Variants in EIF2AK2 observed in about 807,000 individuals in gnomAD.
EIF2AK2 encodes interferon-induced, double-stranded RNA-activated protein kinase.
In EIF2AK2, 40 loss-of-function variants were observed where a neutral mutation model predicts 70.5. That is an observed-to-expected ratio of 0.57 (90% confidence interval 0.44 to 0.74). The LOEUF is 0.74. Among genes scored for constraint, EIF2AK2 ranks in the 30% least tolerant of loss-of-function variants. The pLI is 0.00. For synonymous variants in EIF2AK2, 198 were observed against 220.9 expected (o/e 0.90, Z 0.92); for missense variants, 555 against 644.3 (o/e 0.86, Z 1.50).
chr2:37,126,062 G>T (rs548796723), intron 11 of EIF2AK2, among the ~76,000 whole-genome samples: 1 of 152,250 alleles, frequency 6.6e-6, no homozygotes, highest in East Asian at 1.9e-4. Flanking sequence ...CAGTTCTGAA[G>T]ATAGCACCAA....
At chr2:37,111,797 G>A (rs759874279) in intron 14 of EIF2AK2, among the ~76,000 whole-genome samples, 11 of 144,710 alleles carry the variant, frequency 7.6e-5, no homozygotes, top group Non-Finnish European at 1.2e-4. Flanking sequence ...GGTCGAGGCT[G>A]CGCAGTGGTG....
intron 14 of EIF2AK2, among the ~76,000 whole-genome samples, chr2:37,111,954 T>TATAGATAG (rs1674177247): frequency 2.8e-5 from 4 of 144,016 alleles, no homozygotes; most frequent in African/African-American, 1.0e-4. Context: ...TATATATATA[T>TATAGATAG]ATAGATTTTG....
chr2:37,149,623 G>C (rs1268042845), intron 1 of EIF2AK2, among the ~76,000 whole-genome samples: 3 of 152,126 alleles, frequency 2.0e-5, no homozygotes, highest in African/African-American at 7.2e-5. Flanking sequence ...TACCAGGAAG[G>C]AAAGGAAACT....
At chr2:37,132,615 C>CT (rs558243219) in intron 10 of EIF2AK2, among the ~76,000 whole-genome samples, 10 of 152,074 alleles carry the variant, frequency 6.6e-5, no homozygotes, top group Non-Finnish European at 1.5e-4. Context: ...AAAAACAACT[C>CT]TGTTATGGGA....
chr2:37,121,959 A>G (rs1419461872), intron 12 of EIF2AK2, among the ~76,000 whole-genome samples: 2 of 152,186 alleles, frequency 1.3e-5, no homozygotes, highest in African/African-American at 4.8e-5. Flanking sequence ...TTGTTTGGCA[A>G]TGGCTTAACT....
chr2:37,136,479 G>T (rs1406432767), intron 9 of EIF2AK2, among the ~76,000 whole-genome samples: 1 of 152,162 alleles, frequency 6.6e-6, no homozygotes, highest in African/African-American at 2.4e-5. Context: ...TCCACATCAA[G>T]AACCATGTTT....
intron 1 of EIF2AK2, among the ~76,000 whole-genome samples, chr2:37,150,718 C>G (rs146981063): frequency 6.6e-6 from 1 of 152,072 alleles, no homozygotes; most frequent in Non-Finnish European, 1.5e-5. Flanking sequence ...TCTCTTCTCC[C>G]CACGTATTCT....
chr2:37,152,012 G>C (rs1055004680), intron 1 of EIF2AK2, among the ~76,000 whole-genome samples: 1 of 152,242 alleles, frequency 6.6e-6, no homozygotes, highest in Non-Finnish European at 1.5e-5. Context: ...CTTGCAGTGA[G>C]CTGAGATCGC....
At position 37,138,255 on chromosome 2, in the gene EIF2AK2, AGACTAATAC is replaced by A. The variant is rs1262358718; in HGVS notation, c.687+6_687+14del. 1 of 1,578,664 alleles carries A rather than the reference AGACTAATAC, an allele frequency of 6.3e-7. No homozygotes were observed. Among genetic ancestry groups the A allele is most frequent in the African/African-American group, 1.4e-5 (1 of 73,648 alleles). On this transcript the variant is annotated splice_donor_region_variant and intron_variant, in intron 8 of 16. Coordinates refer to ENST00000233057, the MANE Select transcript of EIF2AK2 (RefSeq NM_001135651.3). Reference sequence around the variant, plus strand: ...AAATAAGATTAAGTAGGAAGCTTCGAGACTAATACGATACCATAAGCAACGAAGAACTGT... The same window carrying A: ...AAATAAGATTAAGTAGGAAGCTTCGAGATACCATAAGCAACGAAGAACTGT...
At position 37,138,914 on chromosome 2, in the gene EIF2AK2, G is replaced by GC. The variant is rs542131554; in HGVS notation, c.517-330dup. On this transcript the variant is annotated intron_variant, in intron 6 of 16. Transcript: ENST00000233057. ...AGGCTCAGGCAATCCTCCCGCCTCA[G>GC]CCTCCTGAGTAGCTAGGACTACAGG... 4.0e-5 allele frequency among the ~76,000 whole-genome samples: 6 copies of GC among 151,566 alleles called. No individual in the cohort carries two copies. The South Asian group carries it at 1.3e-3, about 32-fold the overall frequency.
At chr2:37,111,500 A>G (rs1337787676) in intron 14 of EIF2AK2, among the ~76,000 whole-genome samples, 1 of 151,334 alleles carries the variant, frequency 6.6e-6, no homozygotes, top group Admixed American at 6.6e-5. Flanking sequence ...CCCGGGTTCA[A>G]GCATGGAATC....
intron 10 of EIF2AK2, among the ~76,000 whole-genome samples, chr2:37,133,849 T>C (rs1675032966): frequency 6.6e-6 from 1 of 152,238 alleles, no homozygotes; most frequent in Non-Finnish European, 1.5e-5. Flanking sequence ...ACGGGATTTA[T>C]GGCTTCAAGG....
chr2:37,122,617 T>C lies in EIF2AK2; in HGVS notation c.956A>G (p.Asn319Ser). ...CCAACAGCCATTGTAGTGAACAATA[T>C]TTACATGATCAAGTTTTGCCAATGC... ...VKALAKLDHV[N>S]IVHYNGCWDG... The change falls in exon 12 of 17, where the codon AAT becomes AGT. Residue 319 changes from asparagine to serine, a missense_variant. Physicochemically the swap from Asn to Ser is conservative, Grantham distance 46. Around this residue, in one of 3 missense-constraint regions of EIF2AK2, gnomAD observed 299 missense variants for 375.4 expected, o/e 0.80. Transcript: ENST00000233057. 1 of 1,614,180 alleles carries C rather than the reference T, an allele frequency of 6.2e-7. No homozygotes were observed. The highest frequency in any genetic ancestry group is 8.5e-7 in the Non-Finnish European group (1 of 1,180,036).
chr2:37,142,957 G>A (rs1054377942), intron 4 of EIF2AK2, among the ~76,000 whole-genome samples: 6 of 152,076 alleles, frequency 3.9e-5, no homozygotes, highest in African/African-American at 7.2e-5. Flanking sequence ...GGCCGGGCGC[G>A]GTGGCTCACA....
chr2:37,156,402 G>A (rs1675929156), intron 1 of EIF2AK2, among the ~76,000 whole-genome samples: 1 of 152,142 alleles, frequency 6.6e-6, no homozygotes, highest in Non-Finnish European at 1.5e-5. Flanking sequence ...GAGGTAGGGG[G>A]TGGAGGTTCA....
chr2:37,135,722 G>A (rs4648203), intron 9 of EIF2AK2, among the ~76,000 whole-genome samples, 176 bp from the exon 10 acceptor site: 8,654 of 152,032 alleles, frequency 0.057, 388 homozygotes, highest in African/African-American at 0.13. Flanking sequence ...TTGAAATTCT[G>A]GGCTCAGAGG....
In EIF2AK2 at chr2:37,099,517, G is replaced by A. The variant is rs1673773131; in HGVS notation, c.*7756C>T. 6.6e-6 allele frequency: 1 copy of A among 152,208 alleles called. No homozygotes were observed. The highest frequency in any genetic ancestry group is 2.4e-5 in the African/African-American group (1 of 41,458). The allele number at this position is 152,208 out of a possible 1,614,324, so 9.4% of individuals were successfully genotyped here. A position where few individuals can be genotyped will look rare whatever the true frequency, so the allele number is the denominator to read the frequency against. ...TAGGTACTAAACAATGGGAGTACTAGGGAGAAGATTCATTTTGAGTGGGAG... is the reference window on the plus strand; with the variant it reads ...TAGGTACTAAACAATGGGAGTACTAAGGAGAAGATTCATTTTGAGTGGGAG... On this transcript the variant is annotated 3_prime_UTR_variant, in exon 17 of 17. Coordinates refer to ENST00000233057, the MANE Select transcript of EIF2AK2 (RefSeq NM_001135651.3).
intron 4 of EIF2AK2, 94 bp downstream of exon 4, chr2:37,146,759 T>A: frequency 6.9e-7 from 1 of 1,456,152 alleles, no homozygotes. Flanking sequence ...AACGTGTGAA[T>A]GGCTTTACTC....
At chr2:37,134,423 C>T in intron 10 of EIF2AK2, among the ~76,000 whole-genome samples, 1 of 152,212 alleles carries the variant, frequency 6.6e-6, no homozygotes, top group East Asian at 1.9e-4. Flanking sequence ...GACCATCAAA[C>T]TAACCGAGTT....
Sources: gnomAD v4.1 joint callset for allele counts (sites outside exome capture counted in the v4.1 genomes callset) on GRCh38, gnomAD v4.1.1 for gene constraint, gnomAD v4.1.1 regional missense constraint, MANE v1.5 for transcripts, NCBI Gene and HGNC (gene_info 2026-07-23, HGNC 2026-07-21) for gene names.